RBFOX3: variants seen among roughly 807,000 people sequenced by gnomAD.
RBFOX3 encodes the protein RNA binding protein fox-1 homolog 3.
A neutral mutation model predicts 48.7 loss-of-function variants in RBFOX3; 17 were observed. The observed-to-expected ratio is 0.35, with a 90% CI of 0.24 to 0.52. RBFOX3 has a LOEUF of 0.52. Ranked by LOEUF, RBFOX3 falls within the 20% of genes least tolerant of loss-of-function variation. The pLI is 0.94. For missense variants in RBFOX3, 382 were observed against 497.5 expected (o/e 0.77, Z 2.21); for synonymous variants, 212 against 209.5 (o/e 1.01, Z -0.10).
intron 1 of RBFOX3, among the ~76,000 whole-genome samples, chr17:79,587,997 G>C (rs908532292): frequency 2.0e-5 from 3 of 152,156 alleles, no homozygotes; most frequent in African/African-American, 7.2e-5. Context: ...CACCATGCCT[G>C]GCTCTTTTTA....
At chr17:79,476,299 C>G (rs973949786) in intron 2 of RBFOX3, among the ~76,000 whole-genome samples, 3 of 152,370 alleles carry the variant, frequency 2.0e-5, no homozygotes, top group African/African-American at 7.2e-5. Context: ...CCTCTGCGAC[C>G]CGCCCAGTCT....
chr17:79,128,838 G>C (rs2038028006), intron 4 of RBFOX3, among the ~76,000 whole-genome samples: 1 of 152,234 alleles, frequency 6.6e-6, no homozygotes, highest in African/African-American at 2.4e-5. Context: ...AGGATGTACA[G>C]AGGGGTCCCT....
At chr17:79,632,374 C>T in the RBFOX3 span, among the ~76,000 whole-genome samples, 1 of 151,928 alleles carries the variant, frequency 6.6e-6, no homozygotes, top group Non-Finnish European at 1.5e-5. Flanking sequence ...AGGACAAAGT[C>T]CTCTTCGGGA....
intron 2 of RBFOX3, among the ~76,000 whole-genome samples, chr17:79,441,396 G>T (rs1195573018): frequency 1.3e-5 from 2 of 152,178 alleles, no homozygotes; most frequent in Non-Finnish European, 2.9e-5. Context: ...TAGAGATGAG[G>T]CCATCCTGGA....
At chr17:79,196,933 C>T (rs1001531030) in intron 4 of RBFOX3, among the ~76,000 whole-genome samples, 21 of 152,196 alleles carry the variant, frequency 1.4e-4, no homozygotes, top group African/African-American at 4.3e-4. Context: ...TACTGGGGCC[C>T]ACCAAGTGGA....
At chr17:79,138,709 A>ATCCCCCCCT (rs76586779) in intron 4 of RBFOX3, among the ~76,000 whole-genome samples, 1 of 48,266 alleles carries the variant, frequency 2.1e-5, no homozygotes, top group African/African-American at 1.2e-4. Context: ...ACATGCGTTC[A>ATCCCCCCCT]CACCCCCTCA....
the RBFOX3 span, among the ~76,000 whole-genome samples, chr17:79,661,072 T>C: frequency 6.6e-6 from 1 of 152,118 alleles, no homozygotes; most frequent in Non-Finnish European, 1.5e-5. Flanking sequence ...AGGAGCTGAA[T>C]GATGAGAACA....
intron 2 of RBFOX3, among the ~76,000 whole-genome samples, chr17:79,410,523 G>T (rs2064166163): frequency 6.6e-6 from 1 of 152,172 alleles, no homozygotes; most frequent in Non-Finnish European, 1.5e-5. Flanking sequence ...GAAACACAGA[G>T]AGTTTTCTCC....
chr17:79,614,185 C>T (rs1460439435), upstream of RBFOX3, among the ~76,000 whole-genome samples: 1 of 152,230 alleles, frequency 6.6e-6, no homozygotes, highest in Non-Finnish European at 1.5e-5. Context: ...CCCGGGGAAG[C>T]CTGGAGATCC....
At chr17:79,622,085 A>G in the RBFOX3 span, among the ~76,000 whole-genome samples, 319 of 151,744 alleles carry the variant, frequency 2.1e-3, 1 homozygote, top group African/African-American at 7.3e-3. Context: ...GTGTCCTTTC[A>G]TTCTCATTCT....
chr17:79,531,264 G>A (rs2087728947), intron 1 of RBFOX3, among the ~76,000 whole-genome samples: 1 of 152,174 alleles, frequency 6.6e-6, no homozygotes, highest in Non-Finnish European at 1.5e-5. Context: ...AGGAGGGTCT[G>A]CAGCACAGGT....
At chr17:79,488,040 AC>A (rs1323005662) in intron 1 of RBFOX3, among the ~76,000 whole-genome samples, 3 of 152,012 alleles carry the variant, frequency 2.0e-5, no homozygotes, top group Non-Finnish European at 2.9e-5. Flanking sequence ...GGTGGAATGA[AC>A]TTCCCATTCT....
intron 4 of RBFOX3, among the ~76,000 whole-genome samples, chr17:79,141,313 G>A (rs961747291): frequency 2.0e-5 from 3 of 152,206 alleles, no homozygotes; most frequent in African/African-American, 7.2e-5. Context: ...GGACACTGTT[G>A]GGGGCCAGCC....
the RBFOX3 span, among the ~76,000 whole-genome samples, chr17:79,650,345 G>A: frequency 2.0e-5 from 3 of 152,184 alleles, no homozygotes; most frequent in East Asian, 1.9e-4. Context: ...GGCCAGGGAC[G>A]GGGCTGCTGA....
chr17:79,571,688 C>T (rs974255741), intron 1 of RBFOX3, among the ~76,000 whole-genome samples: 1 of 152,070 alleles, frequency 6.6e-6, no homozygotes, highest in Non-Finnish European at 1.5e-5. Context: ...CTTGCTGCAT[C>T]GCACCAAGCA....
At chr17:79,312,183 C>T (rs1324110901) in intron 2 of RBFOX3, among the ~76,000 whole-genome samples, 1 of 151,798 alleles carries the variant, frequency 6.6e-6, no homozygotes, top group African/African-American at 2.4e-5. Flanking sequence ...CCTCTGCAGC[C>T]TCCAGGAATT....
At chr17:79,271,490 T>C (rs993736296) in intron 3 of RBFOX3, among the ~76,000 whole-genome samples, 1 of 152,202 alleles carries the variant, frequency 6.6e-6, no homozygotes, top group African/African-American at 2.4e-5. Flanking sequence ...CATTAGCCGC[T>C]CTTTGCGCTG....
chr17:79,093,369 G>C (rs565802597), intron 14 of RBFOX3, among the ~76,000 whole-genome samples: 14 of 151,444 alleles, frequency 9.2e-5, no homozygotes, highest in African/African-American at 3.4e-4. Flanking sequence ...AAAATACAAA[G>C]TGAAAACACA....
At position 79,090,293 on chromosome 17, in the gene RBFOX3, C is replaced by T. The variant is rs532853070; in HGVS notation, c.*590G>A. 3.7e-4 allele frequency: 57 copies of T among 152,670 alleles called. No homozygotes were observed. The highest frequency in any genetic ancestry group is 2.7e-3 in the South Asian group (13 of 4,836). 9.5% of individuals were successfully genotyped at this position (152,670 alleles called of 1,614,324 possible). A position where few individuals can be genotyped will look rare whatever the true frequency, so the allele number is the denominator to read the frequency against. ...CGGCTTCCTCGCCAGGCTGGGGGCA[C>T]GGGCGGGACTGCCGGGCAGGAGGGA... On this transcript the variant is annotated 3_prime_UTR_variant, in exon 15 of 15. Transcript: ENST00000693108.
Sources: allele counts gnomAD v4.1 joint callset (sites outside exome capture counted in the v4.1 genomes callset), GRCh38; gene constraint gnomAD v4.1.1; transcripts MANE v1.5; gene names NCBI Gene and HGNC (gene_info 2026-07-23, HGNC 2026-07-21).